The following PKHD1 variants were observed in gnomAD, a reference collection of about 807,000 sequenced individuals.
The protein encoded by PKHD1 is fibrocystin.
PKHD1 carries 291 observed loss-of-function variants against 412.0 expected under a neutral mutation model. That is an observed-to-expected ratio of 0.71 (90% CI 0.64 to 0.78). PKHD1 has a LOEUF of 0.78. Among genes scored for constraint, PKHD1 ranks in the 30% least tolerant of loss-of-function variants. PKHD1 has a pLI of 0.00. For missense variants in PKHD1, 4,825 were observed against 4,950.7 expected, an observed-to-expected ratio of 0.97 and a Z score of 0.76; for synonymous variants, 1,777 against 1,821.5, an observed-to-expected ratio of 0.98 and a Z score of 0.62.
chr6:51,623,302 T>G (rs1248688255), intron 66 of PKHD1, among the ~76,000 whole-genome samples: 1 of 152,134 alleles, frequency 6.6e-6, no homozygotes, highest in African/African-American at 2.4e-5. Context: ...ATTTAATAAA[T>G]TATAGTTTAT....
At position 52,028,175 on chromosome 6, in the gene PKHD1, C is replaced by T. The variant is rs778683491; in HGVS notation, c.3541G>A (p.Val1181Ile). Residue 1181 changes from valine to isoleucine, a missense_variant, in exon 30 of 67, where the codon GTC (valine) becomes ATC (isoleucine). By Grantham distance (29) the Val-to-Ile change is conservative. Transcript: ENST00000371117. ...CCTCACCCTTGTGAGTGAATGCTGACCCCATTGATAGAGACGGAAATTCTG... is the reference window on the plus strand; with the variant it reads ...CCTCACCCTTGTGAGTGAATGCTGATCCCATTGATAGAGACGGAAATTCTG... ...LHRISVSING[V>I]SIHSQGVDLH... 2 of 1,614,192 alleles carry T rather than the reference C, an allele frequency of 1.2e-6. No homozygotes were observed. The highest frequency in any genetic ancestry group is 4.5e-5 in the East Asian group (2 of 44,882).
Position 52,025,993 on chromosome 6 carries a change from C to A in PKHD1, c.3817G>T (p.Ala1273Ser). ...PTVPAAVEVWAGNRFFARGPS... is the reference protein window; with the variant it reads ...PTVPAAVEVWSGNRFFARGPS... Reference sequence around the variant, plus strand: ...CCACGGGCGAAGAACCTGTTGCCAGCCCAGACCTCCACGGCAGCTGGAACA... The same window carrying A: ...CCACGGGCGAAGAACCTGTTGCCAGACCAGACCTCCACGGCAGCTGGAACA... Residue 1273 changes from alanine (A) to serine (S), a missense_variant, in exon 32 of 67, where the codon GCT (alanine) becomes TCT (serine). By Grantham distance (99) the Ala-to-Ser change is moderately conservative. Transcript: ENST00000371117. 1 of 1,614,154 alleles carries A rather than the reference C, an allele frequency of 6.2e-7. No individual in the cohort carries two copies.
intron 51 of PKHD1, among the ~76,000 whole-genome samples, chr6:51,832,778 CTTAG>C (rs1768488977): frequency 6.6e-6 from 1 of 152,056 alleles, no homozygotes; most frequent in African/African-American, 2.4e-5. Flanking sequence ...ATGAGGAACA[CTTAG>C]TTATTTTTTC....
intron 11 of PKHD1, among the ~76,000 whole-genome samples, chr6:52,067,591 T>A (rs1809937764): frequency 1.3e-5 from 2 of 152,014 alleles, no homozygotes; most frequent in South Asian, 2.1e-4. Flanking sequence ...GGGAGTAGGA[T>A]GGGAGTATTG....
At chr6:51,964,144 C>A (rs905065139) in intron 35 of PKHD1, among the ~76,000 whole-genome samples, 3 of 152,142 alleles carry the variant, frequency 2.0e-5, no homozygotes, top group Non-Finnish European at 4.4e-5. Flanking sequence ...CTTCTCTGAA[C>A]TTCAGGGAAT....
At chr6:51,783,399 T>TATTTATTTTATATTATTTAAGTAATAC (rs148216729) in intron 53 of PKHD1, among the ~76,000 whole-genome samples, 1 of 146,350 alleles carries the variant, frequency 6.8e-6, no homozygotes. Context: ...TTAAATACTA[T>TATTTATTTTATATTATTTAAGTAATAC]ATTTATTTTA....
intron 33 of PKHD1, among the ~76,000 whole-genome samples, chr6:52,021,129 A>C (rs569395532): frequency 2.2e-3 from 335 of 152,332 alleles, no homozygotes; most frequent in South Asian, 0.011. Flanking sequence ...CTCTAGAGTA[A>C]ATGTGTGCCT....
intron 60 of PKHD1, among the ~76,000 whole-genome samples, chr6:51,663,185 T>G (rs1222932571): frequency 1.3e-5 from 2 of 152,092 alleles, no homozygotes; most frequent in African/African-American, 4.8e-5. Flanking sequence ...TGGGAAATCC[T>G]CAAATCACAG....
chr6:51,865,379 T>C (rs578127492), intron 48 of PKHD1, among the ~76,000 whole-genome samples: 1 of 152,224 alleles, frequency 6.6e-6, no homozygotes, highest in East Asian at 1.9e-4. Flanking sequence ...CTTTGAGTCA[T>C]AGGAACCAAT....
At chr6:51,869,290 C>T (rs757459218) in intron 47 of PKHD1, among the ~76,000 whole-genome samples, 17 of 152,132 alleles carry the variant, frequency 1.1e-4, no homozygotes, top group Non-Finnish European at 2.2e-4. Context: ...CATATACCTT[C>T]TTGCAAACTT....
intron 60 of PKHD1, among the ~76,000 whole-genome samples, chr6:51,663,131 A>G (rs1261400798): frequency 2.6e-5 from 4 of 152,070 alleles, no homozygotes. Flanking sequence ...TCTCTACTAC[A>G]GTTATATCTT....
At chr6:51,718,437 A>G (rs1781517049) in intron 60 of PKHD1, among the ~76,000 whole-genome samples, 1 of 152,232 alleles carries the variant, frequency 6.6e-6, no homozygotes, top group Admixed American at 6.5e-5. Context: ...TTTCAACTAA[A>G]TCACAAAATA....
chr6:51,782,883 T>C (rs1156578518), intron 53 of PKHD1, among the ~76,000 whole-genome samples: 1 of 152,176 alleles, frequency 6.6e-6, no homozygotes, highest in Non-Finnish European at 1.5e-5. Context: ...TATTACTTAA[T>C]CATCCAATGA....
At chr6:51,689,899 G>A (rs1411609760) in intron 60 of PKHD1, among the ~76,000 whole-genome samples, 1 of 152,136 alleles carries the variant, frequency 6.6e-6, no homozygotes, top group Non-Finnish European at 1.5e-5. Context: ...AATCAATATT[G>A]TTAATATGGC....
At chr6:51,950,329 C>A (rs1409338537) in intron 36 of PKHD1, among the ~76,000 whole-genome samples, 1 of 151,192 alleles carries the variant, frequency 6.6e-6, no homozygotes, top group East Asian at 2.0e-4. Flanking sequence ...GGGGTAGGGA[C>A]CTGTGCATCC....
intron 54 of PKHD1, among the ~76,000 whole-genome samples, chr6:51,775,522 C>T (rs996662940): frequency 2.6e-5 from 4 of 151,838 alleles, no homozygotes; most frequent in African/African-American, 9.7e-5. Flanking sequence ...TTGACTCAGT[C>T]GAAACTTTAG....
At chr6:51,666,543 T>G (rs1248872516) in intron 60 of PKHD1, among the ~76,000 whole-genome samples, 3 of 137,614 alleles carry the variant, frequency 2.2e-5, no homozygotes, top group African/African-American at 1.1e-4. Context: ...ATGTTTATAA[T>G]TTTTTTTTAA....
intron 40 of PKHD1, 67 bp from the exon 41 acceptor site, chr6:51,906,407 C>T (rs1435223001): frequency 8.3e-7 from 1 of 1,206,796 alleles, no homozygotes; most frequent in Non-Finnish European, 1.2e-6. Flanking sequence ...ATATTTAGAG[C>T]AACCTACACT....
At chr6:51,938,594 T>A (rs1044120125) in intron 36 of PKHD1, among the ~76,000 whole-genome samples, 2 of 150,186 alleles carry the variant, frequency 1.3e-5, no homozygotes, top group African/African-American at 4.9e-5. Flanking sequence ...CTGACTCTCT[T>A]TTCGGACTCA....
Sources: allele counts gnomAD v4.1 joint callset (sites outside exome capture counted in the v4.1 genomes callset), GRCh38; gene constraint gnomAD v4.1.1; transcripts MANE v1.5; gene names NCBI Gene and HGNC (gene_info 2026-07-23, HGNC 2026-07-21).